Variants in NALCN observed in about 807,000 individuals in gnomAD.
NALCN encodes sodium leak channel NALCN.
NALCN carries 111 observed loss-of-function variants against 225.3 expected under a neutral mutation model. The ratio of observed to expected loss-of-function variants is 0.49; its 90% confidence interval spans 0.42 to 0.58. NALCN has a LOEUF of 0.58. Among genes scored for constraint, NALCN ranks in the 20% least tolerant of loss-of-function variants. The probability of loss-of-function intolerance (pLI) is 0.00; values close to 1 mark genes in which losing one functional copy is unlikely to be tolerated. For synonymous variants in NALCN, 764 were observed against 769.0 expected (o/e 0.99, Z 0.11); for missense variants, 1,378 against 2,202.4 (o/e 0.63, Z 7.49).
intron 6 of NALCN, among the ~76,000 whole-genome samples, chr13:101,359,253 T>C (rs1457300227): frequency 6.6e-6 from 1 of 151,872 alleles, no homozygotes; most frequent in Non-Finnish European, 1.5e-5. Context: ...AAGTAGAAAA[T>C]ACTTATTTAA....
At chr13:101,322,549 T>C (rs483325) in intron 7 of NALCN, among the ~76,000 whole-genome samples, 49,716 of 152,032 alleles carry the variant, frequency 0.33, 8,642 homozygotes, top group Non-Finnish European at 0.41. Flanking sequence ...GATGTGCTTT[T>C]CATTTGAAGT....
rs74120005 is a variant in NALCN at position 101,374,751 on chromosome 13, C to T, written c.644+1949G>A. 6.5e-3 allele frequency among the ~76,000 whole-genome samples: 993 copies of T among 152,270 alleles called. 7 individuals carry two copies. Among genetic ancestry groups the T allele is most frequent in the African/African-American group, 0.023 (949 of 41,558 alleles). On this transcript the variant is annotated intron_variant, in intron 6 of 43. Transcript: ENST00000251127. ...GAATACATTCATATTTTCCTAGAAACTTGCACATGCCTCCTGGTCTGAAAA... is the reference window on the plus strand; with the variant it reads ...GAATACATTCATATTTTCCTAGAAATTTGCACATGCCTCCTGGTCTGAAAA...
At chr13:101,184,822 C>A (rs553815206) in intron 14 of NALCN, among the ~76,000 whole-genome samples, 16 of 152,290 alleles carry the variant, frequency 1.1e-4, no homozygotes, top group African/African-American at 3.6e-4. Context: ...TCTGACTCTG[C>A]AGATAGCCAT....
At chr13:101,283,870 T>C (rs2139007435) in intron 10 of NALCN, 63 bp downstream of exon 10, 1 of 1,394,360 alleles carries the variant, frequency 7.2e-7, no homozygotes, top group East Asian at 2.4e-5. Flanking sequence ...GTGGATTTTC[T>C]TGGATGAAAT....
chr13:101,178,322 C>A (rs901568076), intron 14 of NALCN, among the ~76,000 whole-genome samples: 1 of 152,110 alleles, frequency 6.6e-6, no homozygotes, highest in Admixed American at 6.5e-5. Flanking sequence ...CATGTTTCCT[C>A]TCTCTCTAGT....
chr13:101,324,744 C>T (rs1055461042), intron 7 of NALCN, among the ~76,000 whole-genome samples: 4 of 152,158 alleles, frequency 2.6e-5, no homozygotes, highest in South Asian at 4.1e-4. Context: ...GACTTCCTCT[C>T]TTCCTAATTG....
chr13:101,330,730 A>T (rs1231904521), intron 7 of NALCN, among the ~76,000 whole-genome samples: 1 of 152,096 alleles, frequency 6.6e-6, no homozygotes, highest in Admixed American at 6.5e-5. Flanking sequence ...GTGTCCTGGG[A>T]GGGATTCAGT....
intron 3 of NALCN, among the ~76,000 whole-genome samples, chr13:101,393,426 CA>C (rs1484833790): frequency 1.3e-5 from 2 of 152,204 alleles, no homozygotes; most frequent in Non-Finnish European, 2.9e-5. Context: ...TGGAAGCAAT[CA>C]GCCAAATCTC....
chr13:101,073,478 A>T, intron 37 of NALCN, 106 bp downstream of exon 37: 4 of 846,938 alleles, frequency 4.7e-6, no homozygotes, highest in Non-Finnish European at 7.2e-6. Flanking sequence ...TTTATATTTC[A>T]TACATAAAGT....
chr13:101,269,690 C>G (rs1489052498), intron 10 of NALCN, among the ~76,000 whole-genome samples: 1 of 152,158 alleles, frequency 6.6e-6, no homozygotes, highest in African/African-American at 2.4e-5. Flanking sequence ...GGAAGCCACA[C>G]CATTCTGCTT....
chr13:101,277,063 CAT>C (rs917205862), intron 10 of NALCN, among the ~76,000 whole-genome samples: 6 of 151,530 alleles, frequency 4.0e-5, no homozygotes, highest in African/African-American at 1.5e-4. Context: ...TATACACACA[CAT>C]AGAGAGAGAG....
chr13:101,077,680 A>G (rs1421138102), intron 34 of NALCN, among the ~76,000 whole-genome samples: 1 of 152,238 alleles, frequency 6.6e-6, no homozygotes, highest in East Asian at 1.9e-4. Flanking sequence ...AAATATTTGG[A>G]AAATGTGCAG....
intron 17 of NALCN, among the ~76,000 whole-genome samples, chr13:101,133,220 A>G (rs987630986): frequency 6.6e-6 from 1 of 152,210 alleles, no homozygotes; most frequent in Non-Finnish European, 1.5e-5. Context: ...GAATGAAGCC[A>G]TCAATATTTA....
chr13:101,328,726 A>C (rs777037712), intron 7 of NALCN, among the ~76,000 whole-genome samples: 1 of 152,176 alleles, frequency 6.6e-6, no homozygotes, highest in Non-Finnish European at 1.5e-5. Flanking sequence ...TGAGGATGAG[A>C]ATAGTCTACT....
rs546496981 is a variant in NALCN at position 101,133,980 on chromosome 13, T to A, written c.2118+9100A>T. On this transcript the variant is annotated intron_variant, in intron 17 of 43. Coordinates refer to ENST00000251127, the MANE Select transcript of NALCN (RefSeq NM_052867.4). ...GTCAGGAGATCGAGACCATCCTGGC[T>A]AACATGGTGAAACCCCGTCTCTACT... Among the ~76,000 whole-genome samples, 12 of 152,124 alleles carry A rather than the reference T, an allele frequency of 7.9e-5. No homozygotes were observed. The East Asian group carries it at 2.3e-3, about 30-fold the overall frequency.
chr13:101,124,224 C>T (rs1184541820), intron 18 of NALCN, among the ~76,000 whole-genome samples: 1 of 152,082 alleles, frequency 6.6e-6, no homozygotes, highest in Non-Finnish European at 1.5e-5. Context: ...TAAATGTGCT[C>T]TTAATAGTGT....
At chr13:101,376,859 A>G (rs770891822) in intron 5 of NALCN, 31 bp from the exon 6 acceptor site, 4 of 1,612,834 alleles carry the variant, frequency 2.5e-6, no homozygotes, top group Non-Finnish European at 3.4e-6. Flanking sequence ...AAAGTACATA[A>G]AACTTACAAA....
chr13:101,343,720 C>G (rs188940578), intron 7 of NALCN, among the ~76,000 whole-genome samples: 1 of 152,180 alleles, frequency 6.6e-6, no homozygotes, highest in Admixed American at 6.5e-5. Context: ...CCTCCTAGAA[C>G]TGGTCCTCTC....
At chr13:101,162,077 A>T (rs1042171672) in intron 15 of NALCN, among the ~76,000 whole-genome samples, 24 of 152,094 alleles carry the variant, frequency 1.6e-4, no homozygotes, top group African/African-American at 5.3e-4. Context: ...TGAAGTCCAC[A>T]AGGCTCATCT....
Sources: allele counts gnomAD v4.1 joint callset (sites outside exome capture counted in the v4.1 genomes callset), GRCh38; gene constraint gnomAD v4.1.1; transcripts MANE v1.5; gene names NCBI Gene and HGNC (gene_info 2026-07-23, HGNC 2026-07-21).